Variants in MINDY4 observed in about 807,000 individuals in gnomAD.
The protein encoded by MINDY4 is probable ubiquitin carboxyl-terminal hydrolase MINDY-4.
In MINDY4, 68 loss-of-function variants were observed where a neutral mutation model predicts 87.0. The ratio of observed to expected loss-of-function variants is 0.78; its 90% CI spans 0.64 to 0.96. The LOEUF is 0.96. Ranked by LOEUF, MINDY4 falls within the 40% of genes least tolerant of loss-of-function variation. The pLI, the probability that MINDY4 is intolerant of heterozygous loss-of-function variation, is 0.00. For missense variants in MINDY4, 919 were observed against 928.2 expected (o/e 0.99, Z 0.13); for synonymous variants, 379 against 363.2 (o/e 1.04, Z -0.50).
chr7:30,818,199 T>A (rs1272277829), intron 5 of MINDY4, among the ~76,000 whole-genome samples: 1 of 152,252 alleles, frequency 6.6e-6, no homozygotes, highest in Non-Finnish European at 1.5e-5. Context: ...TTATTTTGTA[T>A]TTTTTAAATC....
In MINDY4 at chr7:30,882,291, TG is replaced by T; in HGVS notation, c.2083del (p.Glu695ArgfsTer21). 7.4e-6 allele frequency: 12 copies of T among 1,613,936 alleles called. No homozygotes were observed. Among genetic ancestry groups the T allele is most frequent in the Non-Finnish European group, 1.0e-5 (12 of 1,179,854 alleles). ...QPGLLRDWRT[E>X]RLFDLYYYDG... ...CGGGGCTCCTGCGTGACTGGAGGACTGAGAGGCTCTTTGACTTGTACTACTA... is the reference window on the plus strand; with the variant it reads ...CGGGGCTCCTGCGTGACTGGAGGACTAGAGGCTCTTTGACTTGTACTACTA... On this transcript the variant is annotated frameshift_variant, in exon 16 of 18. Transcript: ENST00000265299. LOFTEE classifies it high-confidence loss of function.
chr7:30,885,847 T>C (rs1352337088), intron 17 of MINDY4, among the ~76,000 whole-genome samples: 2 of 152,168 alleles, frequency 1.3e-5, no homozygotes, highest in Non-Finnish European at 2.9e-5. Flanking sequence ...CTGTGTTCCA[T>C]GTCTGCGAGA....
At chr7:30,776,144 T>A (rs1280644326) in intron 1 of MINDY4, among the ~76,000 whole-genome samples, 1 of 152,228 alleles carries the variant, frequency 6.6e-6, no homozygotes, top group African/African-American at 2.4e-5. Context: ...ACAGTTTATT[T>A]TCAACCTAGC....
At chr7:30,791,877 A>G (rs1431823088) in intron 5 of MINDY4, among the ~76,000 whole-genome samples, 1 of 152,198 alleles carries the variant, frequency 6.6e-6, no homozygotes, top group East Asian at 1.9e-4. Context: ...ACAATAGTTG[A>G]TGAGCTAAAA....
At chr7:30,865,048 C>T (rs1056943692) in intron 13 of MINDY4, among the ~76,000 whole-genome samples, 1 of 152,152 alleles carries the variant, frequency 6.6e-6, no homozygotes, top group Admixed American at 6.5e-5. Flanking sequence ...TGCTCGTCAG[C>T]TTACCTGGGA....
chr7:30,886,896 A>T (rs982672813), intron 17 of MINDY4, among the ~76,000 whole-genome samples: 7 of 152,088 alleles, frequency 4.6e-5, no homozygotes, highest in African/African-American at 1.7e-4. Flanking sequence ...CTAATTTATT[A>T]TGGTCATTTC....
At chr7:30,890,632 A>G (rs1790768596) in intron 17 of MINDY4, among the ~76,000 whole-genome samples, 1 of 152,256 alleles carries the variant, frequency 6.6e-6, no homozygotes, top group Non-Finnish European at 1.5e-5. Context: ...AACGGAGTGA[A>G]TATGAACCTT....
intron 13 of MINDY4, among the ~76,000 whole-genome samples, chr7:30,870,117 T>A (rs1436276960): frequency 1.3e-5 from 2 of 152,208 alleles, no homozygotes; most frequent in Non-Finnish European, 2.9e-5. Context: ...ACTGCTGAAT[T>A]TCCCATCGTG....
rs528403437 is a variant in MINDY4, at chr7:30,840,838, G to A, written c.1435G>A (p.Asp479Asn). ...CCTGTTTGAAGGAGATAGCAAAGCC[G>A]ACTGTGCTCAGTAAGTCAGTGCTCT... ...KLLFEGDSKA[D>N]CAQGLQPSDA... The change falls in exon 9 of 18, where the codon GAC becomes AAC. Residue 479 changes from aspartate (D) to asparagine (N), a missense_variant. By Grantham distance (23) the Asp-to-Asn change is conservative. Transcript: ENST00000265299. 26 of 1,613,974 alleles carry A rather than the reference G, an allele frequency of 1.6e-5. No homozygotes were observed. The East Asian group carries it at 3.6e-4, about 22-fold the overall frequency.
intron 7 of MINDY4, among the ~76,000 whole-genome samples, chr7:30,838,926 C>T (rs923601409): frequency 6.6e-6 from 1 of 152,098 alleles, no homozygotes; most frequent in African/African-American, 2.4e-5. Flanking sequence ...TTCTCAAGGC[C>T]CCTGTAAGGA....
intron 1 of MINDY4, 119 bp from the exon 2 acceptor site, chr7:30,778,313 A>G (rs1786889739): frequency 7.9e-7 from 1 of 1,266,906 alleles, no homozygotes; most frequent in South Asian, 1.4e-5. Flanking sequence ...GGTGATGTCA[A>G]GTGTAAAGGT....
At chr7:30,845,118 G>A (rs547149089) in intron 9 of MINDY4, among the ~76,000 whole-genome samples, 1 of 152,304 alleles carries the variant, frequency 6.6e-6, no homozygotes, top group Admixed American at 6.5e-5. Flanking sequence ...GGCCCAGGGA[G>A]GCCAGGAGGA....
chr7:30,871,273 T>G (rs7782345), intron 13 of MINDY4, among the ~76,000 whole-genome samples: 49,651 of 152,172 alleles, frequency 0.33, 13,883 homozygotes, highest in African/African-American at 0.75. Context: ...TCCTACTTCA[T>G]TCGGGTCTGG....
chr7:30,777,811 G>A (rs1786872598), intron 1 of MINDY4, among the ~76,000 whole-genome samples: 1 of 152,212 alleles, frequency 6.6e-6, no homozygotes, highest in Non-Finnish European at 1.5e-5. Context: ...AGAGAAGCCA[G>A]GCACTTGCGA....
chr7:30,774,373 C>T (rs73297986), intron 1 of MINDY4, among the ~76,000 whole-genome samples: 182 of 152,328 alleles, frequency 1.2e-3, no homozygotes, highest in African/African-American at 4.3e-3. Context: ...TGCATGCCCT[C>T]TCTTGTGTGC....
rs570753491 is a variant in MINDY4 at position 30,782,060 on chromosome 7, C to T, written c.267C>T (p.Phe89=). 3.7e-6 allele frequency: 6 copies of T among 1,614,108 alleles called. No homozygotes were observed. The East Asian group carries it at 1.1e-4, about 30-fold the overall frequency. The change falls in exon 3 of 18, where the codon TTC becomes TTT. Residue 89 remains phenylalanine, a synonymous_variant. Transcript: ENST00000265299. ...LDHFGNTANN[F]TQDTPIPALS... ...ACTTTGGAAATACGGCTAACAATTT[C>T]ACTCAAGATACCCCAATCCCTGCAC...
intron 17 of MINDY4, among the ~76,000 whole-genome samples, chr7:30,891,434 C>T (rs1035967343): frequency 4.6e-5 from 7 of 152,148 alleles, no homozygotes; most frequent in African/African-American, 1.4e-4. Flanking sequence ...AAAAAACTGT[C>T]GTGTTACTGC....
At chr7:30,796,257 A>T (rs1787485968) in intron 5 of MINDY4, among the ~76,000 whole-genome samples, 1 of 151,134 alleles carries the variant, frequency 6.6e-6, no homozygotes, top group East Asian at 2.0e-4. Context: ...TCTCTTTTTT[A>T]TCTGGACCTT....
intron 5 of MINDY4, among the ~76,000 whole-genome samples, chr7:30,809,322 T>G (rs1259217467): frequency 6.9e-6 from 1 of 145,636 alleles, no homozygotes; most frequent in Non-Finnish European, 1.5e-5. Context: ...AAAAAATAAC[T>G]GTTAGAGGAA....
Sources: allele counts gnomAD v4.1 joint callset (sites outside exome capture counted in the v4.1 genomes callset), GRCh38; gene constraint gnomAD v4.1.1; transcripts MANE v1.5; gene names NCBI Gene and HGNC (gene_info 2026-07-23, HGNC 2026-07-21).